PTPRD: variants seen among roughly 807,000 people sequenced by gnomAD.
PTPRD encodes the protein receptor-type tyrosine-protein phosphatase delta.
In PTPRD, 34 loss-of-function variants were observed where a neutral mutation model predicts 214.5. The ratio of observed to expected loss-of-function variants is 0.16; its 90% CI spans 0.12 to 0.21. The LOEUF is 0.21. Ranked by LOEUF, PTPRD falls within the 10% of genes least tolerant of loss-of-function variation. The pLI, the probability that PTPRD is intolerant of heterozygous loss-of-function variation, is 1.00. For synonymous variants in PTPRD, 1,128 were observed against 845.7 expected (o/e 1.33, Z -5.79); for missense variants, 2,545 against 2,398.7 (o/e 1.06, Z -1.27).
At chr9:10,161,245 G>C (rs932464333) in intron 3 of PTPRD, among the ~76,000 whole-genome samples, 2 of 151,686 alleles carry the variant, frequency 1.3e-5, no homozygotes, top group Non-Finnish European at 3.0e-5. Flanking sequence ...AAAAGATCCT[G>C]AATAGCCAAA....
At chr9:10,089,932 T>G (rs1161977125) in intron 3 of PTPRD, among the ~76,000 whole-genome samples, 1 of 151,600 alleles carries the variant, frequency 6.6e-6, no homozygotes, top group Admixed American at 6.6e-5. Context: ...GGGAAAGCAT[T>G]TAGAATTTAA....
At chr9:10,142,062 G>C (rs1218715656) in intron 3 of PTPRD, among the ~76,000 whole-genome samples, 2 of 151,856 alleles carry the variant, frequency 1.3e-5, no homozygotes, top group East Asian at 1.9e-4. Flanking sequence ...GGGAAAACTG[G>C]CTAGCCATAT....
At chr9:8,905,223 G>C (rs1342653050) in intron 11 of PTPRD, among the ~76,000 whole-genome samples, 1 of 151,890 alleles carries the variant, frequency 6.6e-6, no homozygotes. Context: ...CCAAAGTAAA[G>C]CATTCTGTGA....
intron 5 of PTPRD, among the ~76,000 whole-genome samples, chr9:9,820,600 G>A (rs2050376117): frequency 6.6e-6 from 1 of 152,094 alleles, no homozygotes; most frequent in Non-Finnish European, 1.5e-5. Context: ...TTTCTTCTAG[G>A]ATTCTTGTGG....
chr9:8,633,302 C>A lies in PTPRD; in HGVS notation c.352+15G>T. The A allele has an allele frequency of 6.2e-7, 1 of 1,607,318 alleles. No individual in the cohort carries two copies. ...TAACAATGACACAAACGACAACCTT[C>A]ACTTGAGCACTTACCCCGCAAAACT... On this transcript the variant is annotated intron_variant, in intron 14 of 45. Transcript: ENST00000381196.
chr9:10,458,752 G>C (rs541909806), intron 2 of PTPRD, among the ~76,000 whole-genome samples: 151 of 152,096 alleles, frequency 9.9e-4, no homozygotes, highest in African/African-American at 3.6e-3. Flanking sequence ...AAAATTATCT[G>C]TATTTGCAAA....
chr9:10,072,235 G>T (rs539322400), intron 3 of PTPRD, among the ~76,000 whole-genome samples: 5 of 151,884 alleles, frequency 3.3e-5, no homozygotes, highest in African/African-American at 9.7e-5. Context: ...TCAATATTTC[G>T]CATCAGAGGA....
At chr9:8,565,858 G>A (rs1393408251) in intron 14 of PTPRD, among the ~76,000 whole-genome samples, 1 of 152,046 alleles carries the variant, frequency 6.6e-6, no homozygotes, top group Non-Finnish European at 1.5e-5. Context: ...ATACCTTTTG[G>A]AACCATGGAA....
chr9:10,311,625 G>A (rs556538916), intron 3 of PTPRD, among the ~76,000 whole-genome samples: 8 of 152,062 alleles, frequency 5.3e-5, no homozygotes, highest in South Asian at 4.1e-4. Context: ...GCTGTTGTGA[G>A]AACCAAATGA....
intron 6 of PTPRD, among the ~76,000 whole-genome samples, chr9:9,739,015 C>A (rs2154448467): frequency 6.6e-6 from 1 of 152,140 alleles, no homozygotes; most frequent in African/African-American, 2.4e-5. Flanking sequence ...TGAGGAACCT[C>A]AATAAAAAAT....
intron 5 of PTPRD, among the ~76,000 whole-genome samples, chr9:9,783,717 A>C (rs1352323095): frequency 6.6e-6 from 1 of 151,226 alleles, no homozygotes; most frequent in Non-Finnish European, 1.5e-5. Context: ...CCCAAGCCTT[A>C]TTTTAATATA....
chr9:8,981,870 C>A (rs1040986710), intron 11 of PTPRD, among the ~76,000 whole-genome samples: 1 of 151,984 alleles, frequency 6.6e-6, no homozygotes, highest in Non-Finnish European at 1.5e-5. Context: ...AATAGAATGG[C>A]AAAATAATGT....
intron 3 of PTPRD, among the ~76,000 whole-genome samples, chr9:10,278,845 G>A (rs1324414993): frequency 2.6e-5 from 4 of 151,914 alleles, no homozygotes; most frequent in African/African-American, 4.8e-5. Flanking sequence ...CGCGATCTCG[G>A]CTCACTGCAA....
Position 9,580,196 on chromosome 9 carries a change from A to G in PTPRD, c.-286-5415T>C, listed in dbSNP as rs184186566. On this transcript the variant is annotated intron_variant, in intron 7 of 45. Transcript: ENST00000381196. ...ATGAGTACAGGTATCTTTTTGGTAC[A>G]ATGATTTCTTTTCCTTCGGGTATAT... Among the ~76,000 whole-genome samples, 19 of 152,268 alleles carry G rather than the reference A, an allele frequency of 1.2e-4. No homozygotes were observed. In the East Asian group the frequency reaches 3.7e-3, roughly 29 times the overall value.
chr9:8,930,467 G>T (rs1414713218), intron 11 of PTPRD, among the ~76,000 whole-genome samples: 1 of 152,080 alleles, frequency 6.6e-6, no homozygotes, highest in Non-Finnish European at 1.5e-5. Flanking sequence ...AATCCTTTGG[G>T]TATATACCCA....
rs576992246 is a variant in PTPRD, at chr9:9,390,423, G to A, written c.-203+7026C>T. Among the ~76,000 whole-genome samples the A allele has an allele frequency of 3.9e-5, 6 of 152,128 alleles. No individual in the cohort carries two copies. The South Asian group carries it at 8.3e-4, about 21-fold the overall frequency. On this transcript the variant is annotated intron_variant, in intron 9 of 45. Transcript: ENST00000381196. ...AATTCCTGGGCTCCATGAAATACTC[G>A]TCCACTCTATCAGTCAATGGTAGAT...
At chr9:9,811,768 T>C (rs990462531) in intron 5 of PTPRD, among the ~76,000 whole-genome samples, 1 of 152,170 alleles carries the variant, frequency 6.6e-6, no homozygotes, top group African/African-American at 2.4e-5. Flanking sequence ...ATGCTGTGGA[T>C]ATTGTTGAAA....
chr9:10,378,186 G>T (rs984354833), intron 2 of PTPRD, among the ~76,000 whole-genome samples: 7 of 151,958 alleles, frequency 4.6e-5, no homozygotes, highest in African/African-American at 1.7e-4. Flanking sequence ...CTTTTCATAT[G>T]CCTGCTTCTT....
At chr9:9,659,332 T>A (rs2096578936) in intron 7 of PTPRD, among the ~76,000 whole-genome samples, 1 of 152,086 alleles carries the variant, frequency 6.6e-6, no homozygotes, top group Admixed American at 6.6e-5. Flanking sequence ...ATCTGAATAT[T>A]TGAGAGAGAA....
Sources: allele counts gnomAD v4.1 joint callset (sites outside exome capture counted in the v4.1 genomes callset), GRCh38; gene constraint gnomAD v4.1.1; transcripts MANE v1.5; gene names NCBI Gene and HGNC (gene_info 2026-07-23, HGNC 2026-07-21).